VCPIP1: variants seen among roughly 807,000 people sequenced by gnomAD.
VCPIP1 encodes the protein valosin containing protein interacting protein 1.
VCPIP1 carries 8 observed loss-of-function variants against 85.0 expected under a neutral mutation model. The observed-to-expected ratio is 0.09, with a 90% confidence interval of 0.06 to 0.17. VCPIP1 has a LOEUF of 0.17. Among genes scored for constraint, VCPIP1 ranks in the 10% least tolerant of loss-of-function variants. The pLI is 1.00. For missense variants in VCPIP1, 1,070 were observed against 1,486.3 expected, an observed-to-expected ratio of 0.72 and a Z score of 4.61; for synonymous variants, 543 against 544.5, an observed-to-expected ratio of 1.00 and a Z score of 0.04.
intron 2 of VCPIP1, among the ~76,000 whole-genome samples, chr8:66,641,981 T>C (rs1810952579): frequency 6.6e-6 from 1 of 152,222 alleles, no homozygotes; most frequent in Admixed American, 6.5e-5. Context: ...GATCATATAG[T>C]AACTCTACAT....
chr8:66,666,706 C>G lies in VCPIP1; in HGVS notation c.253G>C (p.Val85Leu), dbSNP rs758824462. ...QRHEQQQLLGVEEVTDPDVVL... is the reference protein window; with the variant it reads ...QRHEQQQLLGLEEVTDPDVVL... ...ACGTCCGGGTCGGTCACCTCCTCAA[C>G]CCCCAGCAGCTGTTGCTGCTCGTGC... is the stretch of plus-strand genomic sequence containing the variant. Residue 85 changes from valine (V) to leucine (L), a missense_variant, in exon 1 of 3, where the codon GTT becomes CTT. Around this residue, in one of 8 missense-constraint regions of VCPIP1, gnomAD observed 164 missense variants for 158.6 expected, o/e 1.03. Transcript: ENST00000310421. This position sits in a 1 kb window ranked among gnomAD's most constrained non-coding sequence, Gnocchi z 6.3. 1.9e-6 allele frequency: 3 copies of G among 1,614,078 alleles called. No individual in the cohort carries two copies. Among genetic ancestry groups the G allele is most frequent in the Non-Finnish European group, 2.5e-6 (3 of 1,180,040 alleles).
Position 66,632,868 on chromosome 8 carries a change from G to A in VCPIP1, c.*1633C>T, listed in dbSNP as rs181608643. On this transcript the variant is annotated 3_prime_UTR_variant, in exon 3 of 3. Transcript: ENST00000310421. ...AAGTTTAAAAATTTCCTGCTGTTTT[G>A]ATAGGGAGAAAATTTAGGATGAAGA... is the stretch of plus-strand genomic sequence containing the variant. The A allele has an allele frequency of 6.6e-6, 1 of 152,152 alleles. No homozygotes were observed. Among genetic ancestry groups the A allele is most frequent in the East Asian group, 1.9e-4 (1 of 5,188 alleles). The allele number at this position is 152,152 out of a possible 1,614,324, so 9.4% of individuals were successfully genotyped here.
Position 66,632,753 on chromosome 8 carries a change from GT to G in VCPIP1, c.*1747del, listed in dbSNP as rs1810846754. On this transcript the variant is annotated 3_prime_UTR_variant, in exon 3 of 3. Transcript: ENST00000310421. ...AGTGAAGTGATATTTGTAATTCGTA[GT>G]TTAATACACAGAAGCCACCTTTACT... 1 of 152,060 alleles carries G rather than the reference GT, an allele frequency of 6.6e-6. No homozygotes were observed. The highest frequency in any genetic ancestry group is 1.5e-5 in the Non-Finnish European group (1 of 67,936). 9.4% of individuals were successfully genotyped at this position (152,060 alleles called of 1,614,324 possible). A position where few individuals can be genotyped will look rare whatever the true frequency, so the allele number is the denominator to read the frequency against.
chr8:66,648,008 G>A lies in VCPIP1; in HGVS notation c.2797+3450C>T, dbSNP rs1169677693. 6.6e-5 allele frequency among the ~76,000 whole-genome samples: 10 copies of A among 151,580 alleles called. No homozygotes were observed. The East Asian group carries it at 1.9e-3, about 29-fold the overall frequency. On this transcript the variant is annotated intron_variant, in intron 2 of 2. Transcript: ENST00000310421. Reference sequence around the variant, plus strand: ...AGTAGGGATGGGGTTTCATCATGTTGCCCAGTCTGGTCTTGAACTCCTGAG... The same window carrying A: ...AGTAGGGATGGGGTTTCATCATGTTACCCAGTCTGGTCTTGAACTCCTGAG...
rs148082075 is a variant in VCPIP1, at chr8:66,650,161, G to A, written c.2797+1297C>T. Reference sequence around the variant, plus strand: ...AATATGTACCAATGTACTTACAGGTGAAATTATAGTATATCTGAGATTTAC... The same window carrying A: ...AATATGTACCAATGTACTTACAGGTAAAATTATAGTATATCTGAGATTTAC... On this transcript the variant is annotated intron_variant, in intron 2 of 2. Coordinates refer to ENST00000310421, the MANE Select transcript of VCPIP1 (RefSeq NM_025054.5). Among the ~76,000 whole-genome samples the A allele has an allele frequency of 2.7e-3, 418 of 152,144 alleles. 2 individuals are homozygous for A. Among genetic ancestry groups the A allele is most frequent in the Middle Eastern group, 6.8e-3 (2 of 294 alleles).
intron 1 of VCPIP1, among the ~76,000 whole-genome samples, chr8:66,652,010 CAAAA>C (rs113576250): frequency 1.4e-5 from 1 of 73,546 alleles, no homozygotes. Context: ...TCTATCTCTA[CAAAA>C]AAAAAAAAAA....
At chr8:66,648,460 ATCCG>A (rs765858249) in intron 2 of VCPIP1, among the ~76,000 whole-genome samples, 38 of 152,206 alleles carry the variant, frequency 2.5e-4, no homozygotes, top group Non-Finnish European at 5.3e-4. Flanking sequence ...TCTATCATCC[ATCCG>A]TCCATCTACC....
At chr8:66,638,970 C>CTCTCTCTCTCTCTCTCTCTCTA in intron 2 of VCPIP1, among the ~76,000 whole-genome samples, 1 of 118,438 alleles carries the variant, frequency 8.4e-6, no homozygotes, top group African/African-American at 3.9e-5. Flanking sequence ...CTCTCTCTCT[C>CTCTCTCTCTCTCTCTCTCTCTA]TATATATATA....
rs1811197376 is a variant in VCPIP1, at chr8:66,665,329, T to C, written c.1630A>G (p.Thr544Ala). 5 of 1,613,922 alleles carry C rather than the reference T, an allele frequency of 3.1e-6. No individual in the cohort carries two copies. Among genetic ancestry groups the C allele is most frequent in the Non-Finnish European group, 4.2e-6 (5 of 1,179,846 alleles). Residue 544 changes from threonine to alanine, a missense_variant, in exon 1 of 3, where the codon ACA becomes GCA. Physicochemically the swap from Thr to Ala is moderately conservative, Grantham distance 58. This residue lies in a region of VCPIP1 where 123 missense variants were observed against 156.3 expected (regional missense o/e 0.79). Coordinates refer to ENST00000310421, the MANE Select transcript of VCPIP1 (RefSeq NM_025054.5). This position sits in a 1 kb window ranked among gnomAD's most constrained non-coding sequence, Gnocchi z 4.3. ...TCTCCTCTGACCTTTCGCACAGATG[T>C]GCCATGGCACCAATTACAAGCTGTT... ...NLTACNWCHGTSVRKVRGDGS... is the reference protein window; with the variant it reads ...NLTACNWCHGASVRKVRGDGS...
At chr8:66,648,448 A>G (rs1302999200) in intron 2 of VCPIP1, among the ~76,000 whole-genome samples, 2 of 152,110 alleles carry the variant, frequency 1.3e-5, no homozygotes, top group South Asian at 4.1e-4. Flanking sequence ...TAATCTATCT[A>G]ATCTATCATC....
intron 2 of VCPIP1, among the ~76,000 whole-genome samples, chr8:66,648,817 A>G (rs1811023426): frequency 6.6e-6 from 1 of 152,116 alleles, no homozygotes; most frequent in African/African-American, 2.4e-5. Flanking sequence ...TCGGCCTCCC[A>G]AAGTGCTGGA....
intron 2 of VCPIP1, among the ~76,000 whole-genome samples, 159 bp downstream of exon 2, chr8:66,651,299 A>G (rs2130167708): frequency 6.6e-6 from 1 of 152,288 alleles, no homozygotes; most frequent in African/African-American, 2.4e-5. Context: ...AGCTGACCAT[A>G]TCAGGGTAAT....
chr8:66,641,376 G>GT (rs577182556), intron 2 of VCPIP1, among the ~76,000 whole-genome samples: 311 of 146,564 alleles, frequency 2.1e-3, no homozygotes, highest in Middle Eastern at 3.5e-3. Context: ...TATATATATA[G>GT]TTTTTTTTTT....
Position 66,634,335 on chromosome 8 carries a change from A to C in VCPIP1, c.*166T>G. 2.7e-6 allele frequency: 2 copies of C among 728,292 alleles called. No homozygotes were observed. Among genetic ancestry groups the C allele is most frequent in the Non-Finnish European group, 4.1e-6 (2 of 489,688 alleles). The allele number at this position is 728,292 out of a possible 1,614,324, so 45.1% of individuals were successfully genotyped here. On this transcript the variant is annotated 3_prime_UTR_variant, in exon 3 of 3. Transcript: ENST00000310421. ...AGCCAGCCTGGGCAGCAGTATATTA[A>C]AAGCTATGGCCAATCACACACTTGC...
chr8:66,638,672 A>G (rs925902752), intron 2 of VCPIP1, among the ~76,000 whole-genome samples: 2 of 151,598 alleles, frequency 1.3e-5, no homozygotes, highest in Admixed American at 1.3e-4. Flanking sequence ...CCAGCTACTC[A>G]GGAGGCTGAG....
chr8:66,655,705 G>A (rs989499515), intron 1 of VCPIP1, among the ~76,000 whole-genome samples: 1 of 152,070 alleles, frequency 6.6e-6, no homozygotes, highest in Admixed American at 6.5e-5. Flanking sequence ...AAAAAAAAGG[G>A]AAATAGTTTT....
Position 66,666,746 on chromosome 8 carries a change from G to A in VCPIP1, c.213C>T (p.Thr71=). ...PASGSVSIEC[T]ECGQRHEQQQ... is the part of the protein sequence containing the mutation. ...GCTGCTCGTGCCGCTGGCCGCACTC[G>A]GTACACTCGATGCTGACAGAACCGG... The change falls in exon 1 of 3, where the codon ACC becomes ACT. Residue 71 remains threonine, a synonymous_variant. Transcript: ENST00000310421. This position sits in a 1 kb window ranked among gnomAD's most constrained non-coding sequence, Gnocchi z 6.3. 1.2e-6 allele frequency: 2 copies of A among 1,613,942 alleles called. No individual in the cohort carries two copies. Among genetic ancestry groups the A allele is most frequent in the South Asian group, 1.1e-5 (1 of 91,066 alleles).
chr8:66,661,678 A>G (rs1252794898), intron 1 of VCPIP1, among the ~76,000 whole-genome samples: 3 of 151,304 alleles, frequency 2.0e-5, no homozygotes, highest in Admixed American at 6.6e-5. Flanking sequence ...AGAGGTTGCA[A>G]TGAGCTGAGA....
chr8:66,645,731 G>C (rs1810988549), intron 2 of VCPIP1, among the ~76,000 whole-genome samples: 1 of 136,018 alleles, frequency 7.4e-6, no homozygotes, highest in South Asian at 2.2e-4. Flanking sequence ...ACTAGCCTGG[G>C]CAGCAATATG....
Sources: gnomAD v4.1 joint callset for allele counts (sites outside exome capture counted in the v4.1 genomes callset) on GRCh38, gnomAD v4.1.1 for gene constraint, gnomAD v4.1.1 regional missense constraint, Gnocchi (gnomAD v3.1) non-coding constraint, MANE v1.5 for transcripts, NCBI Gene and HGNC (gene_info 2026-07-23, HGNC 2026-07-21) for gene names.